SGK1: variants seen among roughly 807,000 people sequenced by gnomAD.
SGK1 encodes serum/glucocorticoid regulated kinase 1.
Under a neutral mutation model 64.2 loss-of-function variants are expected in SGK1, and 26 were observed. That is an observed-to-expected ratio of 0.40 (90% confidence interval 0.30 to 0.56). The LOEUF (loss-of-function observed/expected upper bound fraction) is 0.56, where lower values mean the gene tolerates loss of function less well. SGK1 is among the 20% of genes least tolerant of loss of function. SGK1 has a pLI of 0.38. For synonymous variants in SGK1, 265 were observed against 239.7 expected, an observed-to-expected ratio of 1.11 and a Z score of -0.98; for missense variants, 519 against 645.6, an observed-to-expected ratio of 0.80 and a Z score of 2.12.
intron 6 of SGK1, 50 bp downstream of exon 6, chr6:134,173,412 A>T (rs1775098453): frequency 1.3e-6 from 2 of 1,580,696 alleles, no homozygotes; most frequent in Non-Finnish European, 1.7e-6. Flanking sequence ...GGAGAATACA[A>T]AAGAGGACAT....
chr6:134,289,683 CAGGTGCTCAATAGTCACATGT>C (rs1422372017), intron 1 of SGK1, among the ~76,000 whole-genome samples: 2 of 151,930 alleles, frequency 1.3e-5, no homozygotes, highest in Non-Finnish European at 2.9e-5. Context: ...AGCCACAATT[CAGGTGCTCAATAGTCACATGT>C]AGCTGGTGGC....
chr6:134,286,917 T>C (rs192839628), intron 1 of SGK1, among the ~76,000 whole-genome samples: 105 of 152,324 alleles, frequency 6.9e-4, no homozygotes, highest in Non-Finnish European at 2.4e-4. Context: ...GTGATTTAGG[T>C]AAAGAGAGGT....
chr6:134,203,574 G>A (rs1775720959), intron 3 of SGK1, among the ~76,000 whole-genome samples: 1 of 152,054 alleles, frequency 6.6e-6, no homozygotes, highest in African/African-American at 2.4e-5. Flanking sequence ...TATAAGATAA[G>A]CACCTTAACT....
rs370332359 is a variant in SGK1, at chr6:134,278,555, T to C, written c.70-16407A>G. 2.2e-4 allele frequency among the ~76,000 whole-genome samples: 33 copies of C among 152,328 alleles called. 1 individual carries two copies. The highest frequency in any genetic ancestry group is 6.3e-4 in the African/African-American group (26 of 41,576). On this transcript the variant is annotated intron_variant, in intron 1 of 13. Transcript: ENST00000367858. ...ATTTCAGTTTTATACAAAAACAGCT[T>C]TCCTCCAAATTATGCTTGTGCTGTA...
At chr6:134,292,890 A>C (rs977058551) in intron 1 of SGK1, among the ~76,000 whole-genome samples, 3 of 152,228 alleles carry the variant, frequency 2.0e-5, no homozygotes, top group African/African-American at 7.2e-5. Context: ...AATGATCAAA[A>C]TGTCAGAGTT....
At chr6:134,230,651 T>G (rs1357556821) in intron 2 of SGK1, among the ~76,000 whole-genome samples, 1 of 152,108 alleles carries the variant, frequency 6.6e-6, no homozygotes, top group Non-Finnish European at 1.5e-5. Context: ...GGATTACAAT[T>G]CAGGAGGAGA....
intron 1 of SGK1, among the ~76,000 whole-genome samples, chr6:134,316,835 G>GATTCCATCATTTCTGTAAAAGGTCATTC (rs1777693243): frequency 6.7e-6 from 1 of 149,814 alleles, no homozygotes; most frequent in African/African-American, 2.5e-5. Flanking sequence ...TTAAATGCTG[G>GATTCCATCATTTCTGTAAAAGGTCATTC]ATTCCATCAT....
intron 1 of SGK1, among the ~76,000 whole-genome samples, chr6:134,267,018 AC>A: frequency 6.6e-6 from 1 of 152,280 alleles, no homozygotes; most frequent in South Asian, 2.1e-4. Flanking sequence ...CTTTAGGGTT[AC>A]TGTGAACAGG....
chr6:134,250,547 C>T (rs1201953516), intron 2 of SGK1, among the ~76,000 whole-genome samples: 2 of 152,128 alleles, frequency 1.3e-5, no homozygotes, highest in Non-Finnish European at 2.9e-5. Flanking sequence ...ATGTGTGTCT[C>T]AGCACATTTA....
intron 2 of SGK1, among the ~76,000 whole-genome samples, chr6:134,255,148 C>A (rs903168429): frequency 1.3e-5 from 2 of 152,166 alleles, no homozygotes; most frequent in South Asian, 4.1e-4. Flanking sequence ...GGATTACAGG[C>A]GTGAGCCACC....
At chr6:134,204,221 A>AAAATAAAT (rs146311627) in intron 3 of SGK1, among the ~76,000 whole-genome samples, 134 of 139,122 alleles carry the variant, frequency 9.6e-4, no homozygotes, top group Middle Eastern at 7.2e-3. Flanking sequence ...AACTAGGCAA[A>AAAATAAAT]AAATAAATAA....
intron 2 of SGK1, among the ~76,000 whole-genome samples, chr6:134,255,574 ATTTTTTTTT>A (rs11318242): frequency 1.3e-5 from 1 of 78,852 alleles, no homozygotes; most frequent in Non-Finnish European, 2.5e-5. Context: ...AGAGATTTTG[ATTTTTTTTT>A]TTTTTTTTTT....
intron 1 of SGK1, among the ~76,000 whole-genome samples, chr6:134,316,189 C>A (rs568298204): frequency 1.3e-5 from 2 of 152,222 alleles, no homozygotes; most frequent in African/African-American, 4.8e-5. Flanking sequence ...GGCCCTCTAG[C>A]TGGGCCTGAC....
intron 1 of SGK1, chr6:134,298,190 C>G: frequency 6.7e-7 from 1 of 1,487,766 alleles, no homozygotes; most frequent in Non-Finnish European, 9.3e-7. Flanking sequence ...CTCACCAGCC[C>G]CTGCATGTTG....
At chr6:134,200,900 T>C (rs1775669780) in intron 3 of SGK1, among the ~76,000 whole-genome samples, 1 of 151,500 alleles carries the variant, frequency 6.6e-6, no homozygotes, top group Admixed American at 6.6e-5. Context: ...TGAGACCTTG[T>C]CTCAAAAACA....
chr6:134,297,940 C>A (rs1777387224), intron 1 of SGK1: 1 of 805,734 alleles, frequency 1.2e-6, no homozygotes. Flanking sequence ...GCCTTGACCT[C>A]AGTGATGATG....
chr6:134,241,845 C>A (rs1776452980), intron 2 of SGK1, among the ~76,000 whole-genome samples: 2 of 151,772 alleles, frequency 1.3e-5, no homozygotes, highest in South Asian at 4.2e-4. Flanking sequence ...TGGTCTCGAT[C>A]TCCTGACCTC....
At chr6:134,238,743 T>C (rs1016664779) in intron 2 of SGK1, among the ~76,000 whole-genome samples, 2 of 152,152 alleles carry the variant, frequency 1.3e-5, no homozygotes, top group South Asian at 2.1e-4. Context: ...AAAAACAATT[T>C]TTTCCTAATA....
chr6:134,297,990 A>G, intron 1 of SGK1: 1 of 825,848 alleles, frequency 1.2e-6, no homozygotes. Flanking sequence ...CATGGACAGC[A>G]TCACAGACGT....
Sources: gnomAD v4.1 joint callset for allele counts (sites outside exome capture counted in the v4.1 genomes callset) on GRCh38, gnomAD v4.1.1 for gene constraint, MANE v1.5 for transcripts, NCBI Gene and HGNC (gene_info 2026-07-23, HGNC 2026-07-21) for gene names.